Variants in ROBO1 observed in about 807,000 individuals in gnomAD.
The protein encoded by ROBO1 is roundabout homolog 1.
A neutral mutation model predicts 195.9 loss-of-function variants in ROBO1; 149 were observed. The observed-to-expected ratio is 0.76, with a 90% confidence interval of 0.67 to 0.87. The LOEUF (loss-of-function observed/expected upper bound fraction) is 0.87, where lower values mean the gene tolerates loss of function less well. Among genes scored for constraint, ROBO1 ranks in the 40% least tolerant of loss-of-function variants. The probability of loss-of-function intolerance (pLI) is 0.00; values close to 1 mark genes in which losing one functional copy is unlikely to be tolerated. For synonymous variants in ROBO1, 816 were observed against 733.2 expected, an observed-to-expected ratio of 1.11 and a Z score of -1.82; for missense variants, 1,933 against 2,068.3, an observed-to-expected ratio of 0.93 and a Z score of 1.27.
intron 2 of ROBO1, among the ~76,000 whole-genome samples, chr3:79,310,126 G>C (rs1041491047): frequency 1.3e-5 from 2 of 152,066 alleles, no homozygotes; most frequent in Non-Finnish European, 2.9e-5. Flanking sequence ...TTTGCAATTA[G>C]ATCCTAATTA....
intron 2 of ROBO1, among the ~76,000 whole-genome samples, chr3:79,495,007 AGATT>A (rs1939654896): frequency 6.8e-6 from 1 of 147,706 alleles, no homozygotes; most frequent in African/African-American, 2.5e-5. Context: ...TGACATAGAT[AGATT>A]GACAGATAGG....
At chr3:78,821,484 T>C (rs886719692) in intron 4 of ROBO1, among the ~76,000 whole-genome samples, 2 of 152,084 alleles carry the variant, frequency 1.3e-5, no homozygotes. Context: ...TTTTATCTTA[T>C]GACATCCCAT....
chr3:78,925,070 T>C (rs2039135670), intron 4 of ROBO1, among the ~76,000 whole-genome samples: 1 of 152,114 alleles, frequency 6.6e-6, no homozygotes, highest in South Asian at 2.1e-4. Flanking sequence ...CGGTACATGT[T>C]AGGTTATTAA....
At chr3:79,402,290 A>C (rs1296571545) in intron 2 of ROBO1, among the ~76,000 whole-genome samples, 2 of 151,978 alleles carry the variant, frequency 1.3e-5, no homozygotes, top group Non-Finnish European at 2.9e-5. Context: ...TGTTGGTAAA[A>C]GACACTTATT....
intron 2 of ROBO1, among the ~76,000 whole-genome samples, chr3:79,363,675 T>C (rs2035856266): frequency 6.6e-6 from 1 of 152,204 alleles, no homozygotes; most frequent in Non-Finnish European, 1.5e-5. Flanking sequence ...GGCATTCACA[T>C]GCACACACAC....
At chr3:78,824,631 A>C (rs1380184679) in intron 4 of ROBO1, among the ~76,000 whole-genome samples, 1 of 152,224 alleles carries the variant, frequency 6.6e-6, no homozygotes, top group Non-Finnish European at 1.5e-5. Flanking sequence ...ACTTAGAATC[A>C]AGTCCTGATT....
chr3:79,556,078 T>C (rs1165991779), intron 2 of ROBO1, among the ~76,000 whole-genome samples: 1 of 152,158 alleles, frequency 6.6e-6, no homozygotes, highest in Non-Finnish European at 1.5e-5. Context: ...TAAAATTACA[T>C]ATTGAGTCAA....
intron 2 of ROBO1, among the ~76,000 whole-genome samples, chr3:79,188,472 C>A (rs1410028857): frequency 2.0e-5 from 3 of 151,678 alleles, no homozygotes; most frequent in Non-Finnish European, 2.9e-5. Context: ...TAACCTAGAA[C>A]CTTTAAGATA....
intron 3 of ROBO1, among the ~76,000 whole-genome samples, chr3:79,057,605 A>C (rs1483612096): frequency 6.6e-6 from 1 of 151,762 alleles, no homozygotes; most frequent in African/African-American, 2.4e-5. Flanking sequence ...TAAAAATTTC[A>C]CCATTTCTAT....
chr3:78,600,205 T>TGAC lies in ROBO1; in HGVS notation c.4848_4849insGTC (p.Gln1616_Arg1617insVal). The TGAC allele has an allele frequency of 6.2e-7, 1 of 1,613,560 alleles. No individual in the cohort carries two copies. Among genetic ancestry groups the TGAC allele is most frequent in the Non-Finnish European group, 8.5e-7 (1 of 1,179,574 alleles). On this transcript the variant is annotated inframe_insertion, in exon 30 of 31. Transcript: ENST00000464233. ...CTTCGACCTACATTTGCTTGTTCTCTTTGTCTGCTTCCTGATCCTCTTGAT... is the reference window on the plus strand; with the variant it reads ...CTTCGACCTACATTTGCTTGTTCTCTGACTTGTCTGCTTCCTGATCCTCTTGAT...
rs936587175 is a variant in ROBO1, at chr3:79,463,499, T to A, written c.88+126325A>T. Among the ~76,000 whole-genome samples the A allele has an allele frequency of 6.6e-5, 10 of 152,056 alleles. No individual in the cohort carries two copies. The East Asian group carries it at 1.9e-3, about 29-fold the overall frequency. On this transcript the variant is annotated intron_variant, in intron 2 of 30. Transcript: ENST00000464233. The stretch of plus-strand genomic sequence containing the variant: ...CCTGCAATTTAAGAAATGTAGACAG[T>A]CAGTTAAAAGAAAAAGGAAGGAAGT...
At chr3:78,936,303 A>T (rs1298902652) in intron 4 of ROBO1, among the ~76,000 whole-genome samples, 1 of 152,078 alleles carries the variant, frequency 6.6e-6, no homozygotes, top group Non-Finnish European at 1.5e-5. Context: ...CAAATAAAAC[A>T]CATGAAAATG....
At chr3:79,639,382 T>G (rs1251328761) in intron 1 of ROBO1, among the ~76,000 whole-genome samples, 1 of 152,108 alleles carries the variant, frequency 6.6e-6, no homozygotes, top group African/African-American at 2.4e-5. Flanking sequence ...TGTTTTGAAG[T>G]GAGTAAAATA....
chr3:79,580,301 TTC>T (rs1019870873), intron 2 of ROBO1, among the ~76,000 whole-genome samples: 1 of 151,614 alleles, frequency 6.6e-6, no homozygotes, highest in Non-Finnish European at 1.5e-5. Context: ...GTGAAACCCT[TTC>T]TCTACTAAAA....
At chr3:79,150,655 AC>A (rs1318834922) in intron 2 of ROBO1, among the ~76,000 whole-genome samples, 1 of 151,780 alleles carries the variant, frequency 6.6e-6, no homozygotes, top group African/African-American at 2.4e-5. Flanking sequence ...AATTCCTAAG[AC>A]CTTTAAATAA....
chr3:79,719,841 C>A (rs1414659365), intron 1 of ROBO1, among the ~76,000 whole-genome samples: 1 of 152,028 alleles, frequency 6.6e-6, no homozygotes, highest in Admixed American at 6.6e-5. Flanking sequence ...TTGGTATGAG[C>A]TTTTCAAATA....
intron 2 of ROBO1, among the ~76,000 whole-genome samples, chr3:79,411,259 A>T (rs1393190230): frequency 6.6e-6 from 1 of 152,142 alleles, no homozygotes; most frequent in Non-Finnish European, 1.5e-5. Context: ...CAAATTCATA[A>T]TCCTGTCCTG....
intron 3 of ROBO1, among the ~76,000 whole-genome samples, chr3:79,000,540 T>C (rs575468907): frequency 1.3e-5 from 2 of 152,134 alleles, no homozygotes; most frequent in Non-Finnish European, 2.9e-5. Context: ...TCATCACTGG[T>C]CATTAGAGAA....
At chr3:79,111,956 G>C (rs1386170573) in intron 3 of ROBO1, among the ~76,000 whole-genome samples, 1 of 152,158 alleles carries the variant, frequency 6.6e-6, no homozygotes, top group African/African-American at 2.4e-5. Context: ...TCCAAAGCAA[G>C]ATGTTTTTCT....
Sources: allele counts gnomAD v4.1 joint callset (sites outside exome capture counted in the v4.1 genomes callset), GRCh38; gene constraint gnomAD v4.1.1; transcripts MANE v1.5; gene names NCBI Gene and HGNC (gene_info 2026-07-23, HGNC 2026-07-21).